Variants in OTX2 observed in about 807,000 individuals in gnomAD.
OTX2 encodes homeobox protein OTX2.
In OTX2, 4 loss-of-function variants were observed where a neutral mutation model predicts 29.0. That is an observed-to-expected ratio of 0.14 (90% CI 0.07 to 0.32). The LOEUF (loss-of-function observed/expected upper bound fraction) is 0.32. Among genes scored for constraint, OTX2 ranks in the 10% least tolerant of loss-of-function variants. The pLI is 1.00. For missense variants in OTX2, 298 were observed against 365.9 expected, an observed-to-expected ratio of 0.81 and a Z score of 1.51; for synonymous variants, 134 against 141.0, an observed-to-expected ratio of 0.95 and a Z score of 0.35.
chr14:56,809,665 C>A (rs1364096522), intron 2 of OTX2, among the ~76,000 whole-genome samples: 1 of 152,212 alleles, frequency 6.6e-6, no homozygotes, highest in South Asian at 2.1e-4. Flanking sequence ...GCGCGCGGGC[C>A]CAAGGAGGCG....
In OTX2 at chr14:56,802,844, G is replaced by C. The variant is rs1017893575; in HGVS notation, c.274-489C>G. 6.6e-6 allele frequency among the ~76,000 whole-genome samples: 1 copy of C among 152,202 alleles called. No individual in the cohort carries two copies. The highest frequency in any genetic ancestry group is 2.4e-5 in the African/African-American group (1 of 41,454). On this transcript the variant is annotated intron_variant, in intron 4 of 4. Transcript: ENST00000672264. The surrounding 1 kb of genome is among the most constrained non-coding windows in gnomAD (Gnocchi z 4.4). The stretch of plus-strand genomic sequence containing the variant: ...CCAGGAAGCAACTGCTAATATAGAG[G>C]TTGGTTGGTTCCATCACCCTTCTGT...
At chr14:56,809,669 G>A (rs1892210773) in intron 2 of OTX2, among the ~76,000 whole-genome samples, 1 of 152,224 alleles carries the variant, frequency 6.6e-6, no homozygotes, top group Admixed American at 6.5e-5. Flanking sequence ...GCGGGCCCAA[G>A]GAGGCGCCTG....
In OTX2 at chr14:56,804,169, C is replaced by T. The variant is rs1342645531; in HGVS notation, c.273+19G>A. 6.2e-7 allele frequency: 1 copy of T among 1,613,838 alleles called. No individual in the cohort carries two copies. The highest frequency in any genetic ancestry group is 1.7e-5 in the Admixed American group (1 of 60,008). ...GGTGGCATGATCAGGAAGGATGGTT[C>T]TGCCTGCATCTGCCCTACCTGCACC... On this transcript the variant is annotated intron_variant, in intron 4 of 4. Transcript: ENST00000672264. The surrounding 1 kb of genome is among the most constrained non-coding windows in gnomAD (Gnocchi z 4.1).
chr14:56,807,965 TGCCCGGCAGCCCCGCA>T (rs1203206851), intron 2 of OTX2, among the ~76,000 whole-genome samples: 1 of 150,812 alleles, frequency 6.6e-6, no homozygotes, highest in African/African-American at 2.4e-5. Context: ...CCCGCGTTCC[TGCCCGGCAGCCCCGCA>T]GCCCCGCAGC....
rs775502501 is a variant in OTX2, at chr14:56,804,019, C to A, written c.273+169G>T. 1.3e-5 allele frequency among the ~76,000 whole-genome samples: 2 copies of A among 151,898 alleles called. No individual in the cohort carries two copies. The highest frequency in any genetic ancestry group is 2.4e-5 in the African/African-American group (1 of 41,376). ...CCTTGCTTACGGGATTAAGTGGTGACGGGCAGGCAAAAAAGGGCAGAAGGA... is the reference window on the plus strand; with the variant it reads ...CCTTGCTTACGGGATTAAGTGGTGAAGGGCAGGCAAAAAAGGGCAGAAGGA... On this transcript the variant is annotated intron_variant, in intron 4 of 4. Coordinates refer to ENST00000672264, the MANE Select transcript of OTX2 (RefSeq NM_021728.4). This position sits in a 1 kb window ranked among gnomAD's most constrained non-coding sequence, Gnocchi z 4.1.
chr14:56,806,984 A>T (rs1326145294), intron 2 of OTX2, among the ~76,000 whole-genome samples: 1 of 151,930 alleles, frequency 6.6e-6, no homozygotes, highest in Admixed American at 6.6e-5. Flanking sequence ...ACTTTAAAGG[A>T]CTCCGGGTTT....
chr14:56,808,050 C>A (rs1892151281), intron 2 of OTX2, among the ~76,000 whole-genome samples: 1 of 151,866 alleles, frequency 6.6e-6, no homozygotes, highest in African/African-American at 2.4e-5. Context: ...CTGCCCGCGC[C>A]CCCCGCGCAG....
rs1331086073 is a variant in OTX2, at chr14:56,800,096, A to AT, written c.*1638dup. The stretch of plus-strand genomic sequence containing the variant: ...TGCAGGTACAACTGAAAAGGGACCC[A>AT]TTTTTTCCCCCTCGGCACTTTCTTA... On this transcript the variant is annotated 3_prime_UTR_variant, in exon 5 of 5. Coordinates refer to ENST00000672264, the MANE Select transcript of OTX2 (RefSeq NM_021728.4). 6.6e-6 allele frequency: 1 copy of AT among 152,012 alleles called. No homozygotes were observed. The highest frequency in any genetic ancestry group is 2.4e-5 in the African/African-American group (1 of 41,406). The allele number at this position is 152,012 out of a possible 1,614,324, so 9.4% of individuals were successfully genotyped here.
intron 2 of OTX2, chr14:56,805,780 T>G: frequency 5.5e-6 from 1 of 182,994 alleles, no homozygotes; most frequent in Non-Finnish European, 9.4e-6. Flanking sequence ...GGAGACCAGA[T>G]AAACCTGTCT....
At chr14:56,803,758 A>G (rs1891975240) in intron 4 of OTX2, among the ~76,000 whole-genome samples, 1 of 152,190 alleles carries the variant, frequency 6.6e-6, no homozygotes, top group African/African-American at 2.4e-5. Flanking sequence ...CTGCGTCTAT[A>G]CCCTGACTCT....
In OTX2 at chr14:56,802,206, G is replaced by A. The variant is rs372008404; in HGVS notation, c.423C>T (p.Pro141=). The A allele has an allele frequency of 4.3e-6, 7 of 1,614,142 alleles. No homozygotes were observed. Among genetic ancestry groups the A allele is most frequent in the Non-Finnish European group, 5.9e-6 (7 of 1,180,012 alleles). The stretch of plus-strand genomic sequence containing the variant: ...TGGTCGGGACTGAGGTGCTAGAGGG[G>A]GGAGTGAATTGGCCACTTGTTCCAC... ...SESGTSGQFT[P]PSSTSVPTIA... Residue 141 remains proline (P), a synonymous_variant, in exon 5 of 5, where the codon CCC becomes CCT. Transcript: ENST00000672264. This position sits in a 1 kb window ranked among gnomAD's most constrained non-coding sequence, Gnocchi z 4.4.
intron 2 of OTX2, among the ~76,000 whole-genome samples, chr14:56,809,115 G>A (rs1205994263): frequency 2.6e-5 from 4 of 152,172 alleles, no homozygotes; most frequent in Non-Finnish European, 5.9e-5. Flanking sequence ...CGAGCGCGCG[G>A]GCGAGCCCTG....
Position 56,801,654 on chromosome 14 carries a change from T to C in OTX2, c.*81A>G. 6.6e-7 allele frequency: 1 copy of C among 1,506,810 alleles called. No individual in the cohort carries two copies. The highest frequency in any genetic ancestry group is 9.2e-7 in the Non-Finnish European group (1 of 1,085,574). 93.3% of individuals were successfully genotyped at this position (1,506,810 alleles called of 1,614,324 possible). On this transcript the variant is annotated 3_prime_UTR_variant, in exon 5 of 5. Coordinates refer to ENST00000672264, the MANE Select transcript of OTX2 (RefSeq NM_021728.4). The surrounding 1 kb of genome is among the most constrained non-coding windows in gnomAD (Gnocchi z 4.2). Reference sequence around the variant, plus strand: ...TCTGAGCATCATCCCATCTAACTCTTTTAACCAATGCCTGGCTAAAACTGG... The same window carrying C: ...TCTGAGCATCATCCCATCTAACTCTCTTAACCAATGCCTGGCTAAAACTGG...
rs767204898 is a variant in OTX2, at chr14:56,804,534, C to T, written c.98-171G>A. On this transcript the variant is annotated intron_variant, in intron 3 of 4. Coordinates refer to ENST00000672264, the MANE Select transcript of OTX2 (RefSeq NM_021728.4). The surrounding 1 kb of genome is among the most constrained non-coding windows in gnomAD (Gnocchi z 4.1). ...TTGCTCCCCGGGGACCCAGGACACA[C>T]GCTGCTTCTTTCCCTACTCTTCTTG... Among the ~76,000 whole-genome samples, 1 of 152,104 alleles carries T rather than the reference C, an allele frequency of 6.6e-6. No homozygotes were observed. The highest frequency in any genetic ancestry group is 1.5e-5 in the Non-Finnish European group (1 of 68,016).
intron 2 of OTX2, among the ~76,000 whole-genome samples, chr14:56,807,209 T>G (rs1418959081): frequency 2.0e-5 from 3 of 152,196 alleles, no homozygotes; most frequent in African/African-American, 7.2e-5. Flanking sequence ...GACTTTATGT[T>G]TTTGTATTGT....
intron 4 of OTX2, among the ~76,000 whole-genome samples, chr14:56,803,844 A>G (rs1479250368): frequency 6.6e-6 from 1 of 152,194 alleles, no homozygotes; most frequent in Non-Finnish European, 1.5e-5. Context: ...TGGACTGTCC[A>G]AGAGCTAAGC....
In OTX2 at chr14:56,804,122, C is replaced by G. The variant is rs1438580667; in HGVS notation, c.273+66G>C. On this transcript the variant is annotated intron_variant, in intron 4 of 4. Transcript: ENST00000672264. This position sits in a 1 kb window ranked among gnomAD's most constrained non-coding sequence, Gnocchi z 4.1. The stretch of plus-strand genomic sequence containing the variant: ...AGTCCTCTGAAAGACCTGGGGCTCT[C>G]CACAGTCCCATACTCGGGAAGGGTG... The G allele has an allele frequency of 2.6e-6, 4 of 1,567,300 alleles. No homozygotes were observed. In the Admixed American group the frequency reaches 5.0e-5, roughly 20 times the overall value.
At chr14:56,807,691 A>C (rs1020554583) in intron 2 of OTX2, among the ~76,000 whole-genome samples, 1 of 152,188 alleles carries the variant, frequency 6.6e-6, no homozygotes, top group South Asian at 2.1e-4. Context: ...CCAAAACCCA[A>C]AACTAAGAGA....
At chr14:56,809,838 T>C (rs1892215759) in intron 2 of OTX2, among the ~76,000 whole-genome samples, 1 of 152,034 alleles carries the variant, frequency 6.6e-6, no homozygotes, top group South Asian at 2.1e-4. Context: ...GGCGTTGACA[T>C]AAAAACAAAA....
Sources: allele counts gnomAD v4.1 joint callset (sites outside exome capture counted in the v4.1 genomes callset), GRCh38; gene constraint gnomAD v4.1.1; non-coding constraint Gnocchi (gnomAD v3.1); transcripts MANE v1.5; gene names NCBI Gene and HGNC (gene_info 2026-07-23, HGNC 2026-07-21).